Variants in SLC35F1 observed in about 807,000 individuals in gnomAD.
The protein encoded by SLC35F1 is solute carrier family 35 member F1.
Under a neutral mutation model 48.7 loss-of-function variants are expected in SLC35F1, and 14 were observed. The observed-to-expected ratio is 0.29, with a 90% CI of 0.19 to 0.45. The LOEUF is 0.45. Among genes scored for constraint, SLC35F1 ranks in the 20% least tolerant of loss-of-function variants. The pLI is 1.00. For missense variants in SLC35F1, 404 were observed against 500.0 expected, an observed-to-expected ratio of 0.81 and a Z score of 1.83; for synonymous variants, 190 against 202.2, an observed-to-expected ratio of 0.94 and a Z score of 0.51.
intron 2 of SLC35F1, among the ~76,000 whole-genome samples, chr6:118,224,042 T>A (rs1775184732): frequency 6.6e-6 from 1 of 152,082 alleles, no homozygotes; most frequent in Non-Finnish European, 1.5e-5. Flanking sequence ...GCAAATAGGG[T>A]CACTTTTCAC....
At chr6:117,914,003 A>G (rs1775795039) in intron 1 of SLC35F1, among the ~76,000 whole-genome samples, 1 of 152,150 alleles carries the variant, frequency 6.6e-6, no homozygotes, top group South Asian at 2.1e-4. Flanking sequence ...GTGAGCCAAG[A>G]TCACGCCACT....
intron 3 of SLC35F1, among the ~76,000 whole-genome samples, chr6:118,263,602 T>C (rs1166592235): frequency 6.6e-6 from 1 of 152,226 alleles, no homozygotes; most frequent in Non-Finnish European, 1.5e-5. Context: ...TTTTATAATT[T>C]CTTTTTAGAT....
chr6:118,089,813 C>T (rs1405190928), intron 1 of SLC35F1, among the ~76,000 whole-genome samples: 4 of 152,174 alleles, frequency 2.6e-5, no homozygotes, highest in Admixed American at 1.3e-4. Flanking sequence ...CCCAGATAAT[C>T]ATCAGCCTCC....
At chr6:118,252,186 G>A (rs930554601) in intron 3 of SLC35F1, among the ~76,000 whole-genome samples, 4 of 152,120 alleles carry the variant, frequency 2.6e-5, no homozygotes, top group African/African-American at 7.2e-5. Flanking sequence ...TTTTTAGATC[G>A]TCATTGCTGC....
intron 1 of SLC35F1, among the ~76,000 whole-genome samples, chr6:118,129,259 G>A (rs1773674971): frequency 6.6e-6 from 1 of 152,172 alleles, no homozygotes; most frequent in Admixed American, 6.6e-5. Flanking sequence ...GGTCTTAGGT[G>A]GGGAGATGAG....
intron 1 of SLC35F1, among the ~76,000 whole-genome samples, chr6:118,059,268 T>G (rs76444259): frequency 0.016 from 2,398 of 152,300 alleles, 35 homozygotes; most frequent in Middle Eastern, 0.02. Context: ...CAACTACAGC[T>G]TCCCACTGTA....
intron 1 of SLC35F1, among the ~76,000 whole-genome samples, chr6:118,037,201 A>T (rs985604161): frequency 6.6e-6 from 1 of 152,036 alleles, no homozygotes; most frequent in Non-Finnish European, 1.5e-5. Flanking sequence ...TTATATTTAA[A>T]GTGTATCTTT....
intron 1 of SLC35F1, among the ~76,000 whole-genome samples, chr6:117,938,749 G>A (rs1776191434): frequency 6.6e-6 from 1 of 152,198 alleles, no homozygotes; most frequent in Non-Finnish European, 1.5e-5. Context: ...GCTTTGCCAG[G>A]TCATACTTAG....
At chr6:118,111,515 G>C (rs1773399372) in intron 1 of SLC35F1, among the ~76,000 whole-genome samples, 1 of 152,152 alleles carries the variant, frequency 6.6e-6, no homozygotes, top group Non-Finnish European at 1.5e-5. Flanking sequence ...TCTTGAACGT[G>C]ACAGAAACAA....
At chr6:117,963,893 G>T (rs1011544654) in intron 1 of SLC35F1, among the ~76,000 whole-genome samples, 1 of 152,122 alleles carries the variant, frequency 6.6e-6, no homozygotes, top group Non-Finnish European at 1.5e-5. Context: ...CGCCATGGTG[G>T]TTTGCTGCAC....
At chr6:118,284,329 CA>C (rs1409125520) in intron 6 of SLC35F1, among the ~76,000 whole-genome samples, 1 of 147,262 alleles carries the variant, frequency 6.8e-6, no homozygotes, top group East Asian at 1.9e-4. Flanking sequence ...CTTATTCTTT[CA>C]AGGTGGAGAA....
chr6:117,959,874 T>G (rs191660075), intron 1 of SLC35F1, among the ~76,000 whole-genome samples: 49 of 152,322 alleles, frequency 3.2e-4, no homozygotes, highest in Admixed American at 3.1e-3. Flanking sequence ...TCCATAGATA[T>G]ATGAATTATA....
At chr6:118,149,052 T>G (rs1417948760) in intron 1 of SLC35F1, among the ~76,000 whole-genome samples, 1 of 152,242 alleles carries the variant, frequency 6.6e-6, no homozygotes, top group African/African-American at 2.4e-5. Context: ...GTTTTCTTTC[T>G]GTCCAGCAGT....
In SLC35F1 at chr6:118,059,923, C is replaced by T. The variant is rs149816376; in HGVS notation, c.174-94522C>T. On this transcript the variant is annotated intron_variant, in intron 1 of 7. Transcript: ENST00000360388. ...AAGAAACACTATACAACATTATGTA[C>T]CCATAGTGTTTATAAAATACGCTTT... Among the ~76,000 whole-genome samples the T allele has an allele frequency of 9.2e-5, 14 of 152,212 alleles. No individual in the cohort carries two copies. The East Asian group carries it at 2.7e-3, about 29-fold the overall frequency.
intron 1 of SLC35F1, among the ~76,000 whole-genome samples, chr6:117,961,227 G>T (rs559262483): frequency 5.3e-5 from 8 of 152,100 alleles, no homozygotes; most frequent in African/African-American, 1.9e-4. Context: ...CAGCTGAATC[G>T]CCATGAATGG....
chr6:118,101,362 G>A (rs958359710), intron 1 of SLC35F1, among the ~76,000 whole-genome samples: 4 of 152,202 alleles, frequency 2.6e-5, no homozygotes, highest in African/African-American at 9.6e-5. Flanking sequence ...GATCTGCTGT[G>A]TGAATTGAAG....
intron 1 of SLC35F1, among the ~76,000 whole-genome samples, chr6:117,950,780 C>T (rs1403779959): frequency 2.6e-5 from 4 of 152,040 alleles, no homozygotes; most frequent in Non-Finnish European, 4.4e-5. Flanking sequence ...ATGATTAAAA[C>T]ATTTAATTTG....
At chr6:118,304,243 A>G (rs1462859677) in intron 7 of SLC35F1, among the ~76,000 whole-genome samples, 1 of 152,144 alleles carries the variant, frequency 6.6e-6, no homozygotes, top group Non-Finnish European at 1.5e-5. Flanking sequence ...TATTAAAAAT[A>G]TCTCACTTGG....
intron 2 of SLC35F1, among the ~76,000 whole-genome samples, chr6:118,171,330 C>T (rs1774401163): frequency 6.6e-6 from 1 of 152,194 alleles, no homozygotes; most frequent in African/African-American, 2.4e-5. Context: ...CATGCCCAGC[C>T]TGCAGCTTAC....
Sources: gnomAD v4.1 joint callset for allele counts (sites outside exome capture counted in the v4.1 genomes callset) on GRCh38, gnomAD v4.1.1 for gene constraint, MANE v1.5 for transcripts, NCBI Gene and HGNC (gene_info 2026-07-23, HGNC 2026-07-21) for gene names.